The following CD247 variants were observed in gnomAD, a reference collection of about 807,000 sequenced individuals.
CD247 encodes the protein T-cell surface glycoprotein CD3 zeta chain.
CD247 carries 13 observed loss-of-function variants against 30.0 expected under a neutral mutation model. The observed-to-expected ratio is 0.43, with a 90% CI of 0.28 to 0.69. CD247 has a LOEUF of 0.69. CD247 is among the 30% of genes least tolerant of loss of function. The pLI, the probability that CD247 is intolerant of heterozygous loss-of-function variation, is 0.16. For missense variants in CD247, 193 were observed against 212.6 expected, an observed-to-expected ratio of 0.91 and a Z score of 0.57; for synonymous variants, 72 against 80.0, an observed-to-expected ratio of 0.90 and a Z score of 0.53.
chr1:167,499,448 A>C (rs1654818993), intron 1 of CD247, among the ~76,000 whole-genome samples: 1 of 152,168 alleles, frequency 6.6e-6, no homozygotes, highest in Non-Finnish European at 1.5e-5. Flanking sequence ...AACTGTATAG[A>C]TTTAGCCACG....
intron 1 of CD247, among the ~76,000 whole-genome samples, chr1:167,445,056 G>C (rs1195885246): frequency 6.6e-6 from 1 of 152,004 alleles, no homozygotes; most frequent in African/African-American, 2.4e-5. Flanking sequence ...CTCCCAAGTG[G>C]CTGGGATTAC....
intron 5 of CD247, 74 bp from the exon 6 acceptor site, chr1:167,434,150 G>T: frequency 7.1e-7 from 1 of 1,404,670 alleles, no homozygotes; most frequent in Non-Finnish European, 1.0e-6. Context: ...ACAACAGGAA[G>T]CTTCTTGATC....
At chr1:167,482,646 G>A (rs1299944998) in intron 1 of CD247, among the ~76,000 whole-genome samples, 15 of 152,318 alleles carry the variant, frequency 9.8e-5, no homozygotes, top group Non-Finnish European at 2.1e-4. Context: ...AACTTCTAGG[G>A]AGGCTGGGAC....
chr1:167,430,761 A>G lies in CD247; in HGVS notation c.*920T>C. The G allele has an allele frequency of 2.5e-6, 1 of 398,688 alleles. No homozygotes were observed. Among genetic ancestry groups the G allele is most frequent in the Non-Finnish European group, 4.4e-6 (1 of 226,086 alleles). The allele number at this position is 398,688 out of a possible 1,614,324, so 24.7% of individuals were successfully genotyped here. On this transcript the variant is annotated 3_prime_UTR_variant, in exon 8 of 8. Transcript: ENST00000362089. ...TTCCATCCATGGCCTGTGCCCTGTA[A>G]TGACGCAGCAGTATCCTAGTACATT...
chr1:167,453,379 T>G (rs1182991882), intron 1 of CD247, among the ~76,000 whole-genome samples: 1 of 152,168 alleles, frequency 6.6e-6, no homozygotes, highest in Non-Finnish European at 1.5e-5. Context: ...CGGGCCTTTG[T>G]TCTTTCTCAC....
chr1:167,460,803 T>C (rs1005345814), intron 1 of CD247, among the ~76,000 whole-genome samples: 3 of 152,158 alleles, frequency 2.0e-5, no homozygotes, highest in Admixed American at 1.3e-4. Context: ...TGTGTTCTCA[T>C]TGTTCAACTC....
intron 1 of CD247, among the ~76,000 whole-genome samples, chr1:167,509,000 A>T (rs1310811155): frequency 2.0e-5 from 3 of 152,196 alleles, no homozygotes; most frequent in Non-Finnish European, 4.4e-5. Context: ...TTTGGGGCAC[A>T]TGAGAGGTGC....
chr1:167,495,353 G>A (rs755542722), intron 1 of CD247, among the ~76,000 whole-genome samples: 6 of 152,132 alleles, frequency 3.9e-5, no homozygotes, highest in Admixed American at 3.9e-4. Flanking sequence ...CTTGGGACTG[G>A]GTAAATACTC....
At chr1:167,487,109 T>C (rs1462904453) in intron 1 of CD247, among the ~76,000 whole-genome samples, 1 of 141,288 alleles carries the variant, frequency 7.1e-6, no homozygotes, top group African/African-American at 2.7e-5. Flanking sequence ...CCGGGTGTGA[T>C]GGTTCACATC....
At chr1:167,474,681 G>T (rs547046543) in intron 1 of CD247, among the ~76,000 whole-genome samples, 1 of 151,566 alleles carries the variant, frequency 6.6e-6, no homozygotes, top group African/African-American at 2.4e-5. Flanking sequence ...CCAGCTTGAA[G>T]AGGCTCCCAC....
At chr1:167,517,471 GTCCTCTTTTCACTGGTTTTCT>G (rs1319930912) in intron 1 of CD247, among the ~76,000 whole-genome samples, 1 of 152,216 alleles carries the variant, frequency 6.6e-6, no homozygotes, top group African/African-American at 2.4e-5. Context: ...AGTTTGTCCT[GTCCTCTTTTCACTGGTTTTCT>G]TCCTCATTAC....
intron 1 of CD247, among the ~76,000 whole-genome samples, chr1:167,493,468 T>C (rs704850): frequency 0.92 from 140,676 of 152,274 alleles, 65,108 homozygotes; most frequent in East Asian, 1. Flanking sequence ...CTTAGCTGAG[T>C]ACTGTCTCTG....
In CD247 at chr1:167,436,458, T is replaced by C. The variant is rs556349392; in HGVS notation, c.301-1024A>G. ...ACTACTTCTATTCAATATAGTAACATAGGTCCCAGCCGAGCAATTAGCAAA... is the reference window on the plus strand; with the variant it reads ...ACTACTTCTATTCAATATAGTAACACAGGTCCCAGCCGAGCAATTAGCAAA... On this transcript the variant is annotated intron_variant, in intron 4 of 7. Coordinates refer to ENST00000362089, the MANE Select transcript of CD247 (RefSeq NM_198053.3). Among the ~76,000 whole-genome samples, 180 of 152,284 alleles carry C rather than the reference T, an allele frequency of 1.2e-3. 1 individual carries two copies. The highest frequency in any genetic ancestry group is 4.1e-3 in the African/African-American group (172 of 41,552).
In CD247 at chr1:167,461,195, C is replaced by T. The variant is rs58426754; in HGVS notation, c.59-20428G>A. On this transcript the variant is annotated intron_variant, in intron 1 of 7. Transcript: ENST00000362089. ...GGGAGTTCACCTTGCGGCTTCCAAA[C>T]TCAGCCGGGCCGCCCCTAGGCATGT... Among the ~76,000 whole-genome samples, 264 of 152,348 alleles carry T rather than the reference C, an allele frequency of 1.7e-3. 1 individual carries two copies. Among genetic ancestry groups the T allele is most frequent in the Middle Eastern group, 0.01 (3 of 294 alleles).
At chr1:167,454,141 C>G (rs1371612096) in intron 1 of CD247, among the ~76,000 whole-genome samples, 1 of 152,014 alleles carries the variant, frequency 6.6e-6, no homozygotes, top group Non-Finnish European at 1.5e-5. Context: ...TGTAAATGTA[C>G]TTACTTCATG....
At chr1:167,515,769 G>A (rs1256624786) in intron 1 of CD247, among the ~76,000 whole-genome samples, 1 of 152,202 alleles carries the variant, frequency 6.6e-6, no homozygotes, top group Non-Finnish European at 1.5e-5. Context: ...GCCCACTGCT[G>A]CTTTATAACA....
At chr1:167,457,917 C>G (rs943338163) in intron 1 of CD247, among the ~76,000 whole-genome samples, 2 of 152,160 alleles carry the variant, frequency 1.3e-5, no homozygotes, top group African/African-American at 4.8e-5. Context: ...CATAATTGCT[C>G]AGATAATTGA....
At chr1:167,507,246 A>G in intron 1 of CD247, among the ~76,000 whole-genome samples, 1 of 151,458 alleles carries the variant, frequency 6.6e-6, no homozygotes, top group East Asian at 1.9e-4. Context: ...TAACCTTCAA[A>G]GAGAAGGAAT....
At chr1:167,514,079 A>T (rs952952593) in intron 1 of CD247, among the ~76,000 whole-genome samples, 1 of 152,258 alleles carries the variant, frequency 6.6e-6, no homozygotes, top group Non-Finnish European at 1.5e-5. Context: ...GTATGAAAAC[A>T]TCTAGATTTC....
Sources: allele counts gnomAD v4.1 joint callset (sites outside exome capture counted in the v4.1 genomes callset), GRCh38; gene constraint gnomAD v4.1.1; transcripts MANE v1.5; gene names NCBI Gene and HGNC (gene_info 2026-07-23, HGNC 2026-07-21).